The following KIF21A variants were observed in gnomAD, a reference collection of about 807,000 sequenced individuals.
KIF21A encodes kinesin family member 21A, also known as kinesin-like protein KIF21A.
In KIF21A, 114 loss-of-function variants were observed where a neutral mutation model predicts 202.9. The observed-to-expected ratio is 0.56, with a 90% CI of 0.48 to 0.66. The LOEUF (loss-of-function observed/expected upper bound fraction) is 0.66. Among genes scored for constraint, KIF21A ranks in the 30% least tolerant of loss-of-function variants. The pLI is 0.00. For missense variants in KIF21A, 1,677 were observed against 1,994.9 expected, an observed-to-expected ratio of 0.84 and a Z score of 3.04; for synonymous variants, 667 against 670.8, an observed-to-expected ratio of 0.99 and a Z score of 0.09.
chr12:39,437,688 G>A (rs529201219), intron 1 of KIF21A, among the ~76,000 whole-genome samples: 274 of 152,210 alleles, frequency 1.8e-3, no homozygotes, highest in African/African-American at 5.8e-3. Flanking sequence ...CACATATTTC[G>A]TGTGTTTAAA....
chr12:39,301,349 A>G, intron 37 of KIF21A, 131 bp downstream of exon 37: 1 of 829,792 alleles, frequency 1.2e-6, no homozygotes, highest in Non-Finnish European at 2.0e-6. Flanking sequence ...TGAATAAGAC[A>G]TCTTAAAACA....
At chr12:39,354,941 C>T (rs1332490877) in intron 10 of KIF21A, among the ~76,000 whole-genome samples, 5 of 152,146 alleles carry the variant, frequency 3.3e-5, no homozygotes, top group South Asian at 4.1e-4. Flanking sequence ...TGCCCAAGGT[C>T]GTACACCTTA....
chr12:39,416,460 G>A (rs1057053969), intron 1 of KIF21A, among the ~76,000 whole-genome samples: 1 of 151,782 alleles, frequency 6.6e-6, no homozygotes, highest in African/African-American at 2.4e-5. Context: ...GCCAGGTGTG[G>A]TGGCAGGTGA....
At chr12:39,342,700 T>C (rs1947548074) in intron 12 of KIF21A, among the ~76,000 whole-genome samples, 1 of 152,152 alleles carries the variant, frequency 6.6e-6, no homozygotes, top group Non-Finnish European at 1.5e-5. Flanking sequence ...AGCACAAGGC[T>C]ACTTCTCATT....
In KIF21A at chr12:39,311,456, C is replaced by T; in HGVS notation, c.4057G>A (p.Val1353Met). 2 of 1,613,162 alleles carry T rather than the reference C, an allele frequency of 1.2e-6. No individual in the cohort carries two copies. Among genetic ancestry groups the T allele is most frequent in the African/African-American group, 1.3e-5 (1 of 75,008 alleles). ...AEGHTKAVLCVDSTDDLLFTG... is the reference protein window; with the variant it reads ...AEGHTKAVLCMDSTDDLLFTG... Reference sequence around the variant, plus strand: ...AAGAGGAGATCATCAGTAGAATCCACACAGAGCACAGCTTTTGTATGCCCT... The same window carrying T: ...AAGAGGAGATCATCAGTAGAATCCATACAGAGCACAGCTTTTGTATGCCCT... The change falls in exon 32 of 38, where the codon GTG (valine) becomes ATG (methionine). Residue 1353 changes from valine to methionine, a missense_variant. Around this residue, in one of 3 missense-constraint regions of KIF21A, gnomAD observed 705 missense variants for 791.9 expected, o/e 0.89. Transcript: ENST00000361418.
chr12:39,344,263 A>G (rs1277178676), intron 12 of KIF21A, among the ~76,000 whole-genome samples: 1 of 152,206 alleles, frequency 6.6e-6, no homozygotes, highest in African/African-American at 2.4e-5. Flanking sequence ...GAAAATCTAG[A>G]AAGAAATTCC....
intron 6 of KIF21A, among the ~76,000 whole-genome samples, chr12:39,364,841 C>A (rs1949491916): frequency 6.6e-6 from 1 of 152,296 alleles, no homozygotes; most frequent in Admixed American, 6.5e-5. Context: ...AAACAAACCT[C>A]TTCTTCCCTG....
chr12:39,340,064 T>A, intron 16 of KIF21A, 101 bp downstream of exon 16: 3 of 917,612 alleles, frequency 3.3e-6, no homozygotes. Flanking sequence ...TTGGGTTACC[T>A]TTATCGAATA....
At chr12:39,433,240 A>C (rs1319230210) in intron 1 of KIF21A, among the ~76,000 whole-genome samples, 1 of 152,230 alleles carries the variant, frequency 6.6e-6, no homozygotes, top group Non-Finnish European at 1.5e-5. Flanking sequence ...CAAGCTTACA[A>C]GATATACTTT....
intron 3 of KIF21A, among the ~76,000 whole-genome samples, chr12:39,368,593 G>A (rs1949757725): frequency 6.6e-6 from 1 of 152,042 alleles, no homozygotes; most frequent in Non-Finnish European, 1.5e-5. Flanking sequence ...AAGTTACAAT[G>A]CCTGACAACA....
intron 1 of KIF21A, among the ~76,000 whole-genome samples, chr12:39,439,424 C>A (rs59695906): frequency 6.6e-6 from 1 of 151,884 alleles, no homozygotes. Flanking sequence ...TCAGAGTAAG[C>A]CTTTGAAAGC....
At chr12:39,367,378 T>A (rs1949673543) in intron 4 of KIF21A, among the ~76,000 whole-genome samples, 1 of 152,222 alleles carries the variant, frequency 6.6e-6, no homozygotes, top group African/African-American at 2.4e-5. Context: ...TGAGATTCCA[T>A]TGTTGGCCAT....
intron 15 of KIF21A, 23 bp downstream of exon 15, chr12:39,340,883 T>C (rs769583058): frequency 6.5e-7 from 1 of 1,549,924 alleles, no homozygotes; most frequent in Non-Finnish European, 8.9e-7. Context: ...TGAACTTTCA[T>C]TTGAATTAAA....
chr12:39,385,794 T>C (rs760463096), intron 1 of KIF21A, among the ~76,000 whole-genome samples: 11 of 152,170 alleles, frequency 7.2e-5, no homozygotes, highest in Non-Finnish European at 1.0e-4. Flanking sequence ...GGTGAAGACA[T>C]AAATTTTTAA....
intron 35 of KIF21A, among the ~76,000 whole-genome samples, chr12:39,304,000 G>A (rs1238459360): frequency 6.6e-6 from 1 of 152,044 alleles, no homozygotes; most frequent in African/African-American, 2.4e-5. Context: ...TCACATCTAT[G>A]ATCTAACTCC....
chr12:39,360,299 T>G (rs1187597312), intron 7 of KIF21A, among the ~76,000 whole-genome samples: 1 of 152,084 alleles, frequency 6.6e-6, no homozygotes. Flanking sequence ...TTTATTATAT[T>G]GTATATTATA....
chr12:39,327,088 G>GTT lies in KIF21A; in HGVS notation c.3341-766_3341-765dup, dbSNP rs991949119. The stretch of plus-strand genomic sequence containing the variant: ...CAGCGAGCCCCTAACATAGGTGTAG[G>GTT]TTTTTTTAATGTATATTTTATTATA... On this transcript the variant is annotated intron_variant, in intron 24 of 37. Transcript: ENST00000361418. 4.6e-5 allele frequency among the ~76,000 whole-genome samples: 7 copies of GTT among 152,094 alleles called. No individual in the cohort carries two copies. In the East Asian group the frequency reaches 1.4e-3, roughly 29 times the overall value.
chr12:39,438,510 G>T (rs1449900892), intron 1 of KIF21A, among the ~76,000 whole-genome samples: 1 of 152,136 alleles, frequency 6.6e-6, no homozygotes, highest in African/African-American at 2.4e-5. Flanking sequence ...CTAAAACTGA[G>T]CTTCTGAATG....
At chr12:39,356,956 G>GA (rs953462833) in intron 9 of KIF21A, 61 bp from the exon 10 acceptor site, 458 of 799,434 alleles carry the variant, frequency 5.7e-4, no homozygotes, top group Non-Finnish European at 6.7e-4. Context: ...CAAAACAGGA[G>GA]AAAAAAAAAG....
Sources: gnomAD v4.1 joint callset for allele counts (sites outside exome capture counted in the v4.1 genomes callset) on GRCh38, gnomAD v4.1.1 for gene constraint, gnomAD v4.1.1 regional missense constraint, MANE v1.5 for transcripts, NCBI Gene and HGNC (gene_info 2026-07-23, HGNC 2026-07-21) for gene names.